The following MED12L variants were observed in gnomAD, a reference collection of about 807,000 sequenced individuals.
The protein encoded by MED12L is mediator complex subunit 12L.
MED12L carries 60 observed loss-of-function variants against 281.3 expected under a neutral mutation model. The observed-to-expected ratio is 0.21, with a 90% CI of 0.17 to 0.26. MED12L has a LOEUF of 0.26. Ranked by LOEUF, MED12L falls within the 10% of genes least tolerant of loss-of-function variation. The pLI is 1.00. For synonymous variants in MED12L, 974 were observed against 987.2 expected (o/e 0.99, Z 0.25); for missense variants, 2,146 against 2,680.9 (o/e 0.80, Z 4.41).
At chr3:151,132,926 A>G (rs1284168078) in intron 5 of MED12L, among the ~76,000 whole-genome samples, 1 of 152,226 alleles carries the variant, frequency 6.6e-6, no homozygotes, top group Non-Finnish European at 1.5e-5. Context: ...CTAGCAAGGG[A>G]TACAGCCAAG....
At chr3:151,088,562 G>T (rs1159856238) in intron 2 of MED12L, among the ~76,000 whole-genome samples, 1 of 152,110 alleles carries the variant, frequency 6.6e-6, no homozygotes, top group Non-Finnish European at 1.5e-5. Context: ...ATAATTGATG[G>T]CATGATGGCT....
At chr3:151,127,677 C>A in intron 4 of MED12L, 148 bp from the exon 5 acceptor site, 1 of 549,850 alleles carries the variant, frequency 1.8e-6, no homozygotes, top group Non-Finnish European at 3.1e-6. Context: ...AAACTACATG[C>A]ACTATTTGAA....
chr3:151,143,933 G>A (rs1353249504), intron 5 of MED12L, among the ~76,000 whole-genome samples: 1 of 152,184 alleles, frequency 6.6e-6, no homozygotes, highest in African/African-American at 2.4e-5. Flanking sequence ...CCTATGATAC[G>A]AATATTTCAC....
chr3:151,376,292 T>A (rs1756844377), intron 28 of MED12L, 78 bp downstream of exon 28: 1 of 1,151,410 alleles, frequency 8.7e-7, no homozygotes, highest in African/African-American at 1.6e-5. Context: ...CCTCTCTTTT[T>A]TTGTCCTTGC....
intron 17 of MED12L, 128 bp downstream of exon 17, chr3:151,350,334 A>C: frequency 1.9e-5 from 14 of 751,456 alleles, no homozygotes; most frequent in Non-Finnish European, 2.6e-5. Context: ...TCTCACATTG[A>C]AATGTGAACA....
intron 28 of MED12L, 143 bp downstream of exon 28, chr3:151,376,357 C>A: frequency 1.5e-6 from 1 of 662,930 alleles, no homozygotes; most frequent in Non-Finnish European, 2.3e-6. Context: ...GTGGAATTGA[C>A]ATACTTTATT....
At position 151,294,060 on chromosome 3, in the gene MED12L, A is replaced by G; in HGVS notation, c.2251-55999A>G. The G allele has an allele frequency of 4.1e-6, 3 of 732,774 alleles. No homozygotes were observed. In the South Asian group the frequency reaches 5.5e-5, roughly 14 times the overall value. 45.4% of individuals were successfully genotyped at this position (732,774 alleles called of 1,614,324 possible). A position where few individuals can be genotyped will look rare whatever the true frequency, so the allele number is the denominator to read the frequency against. Reference sequence around the variant, plus strand: ...CTTTCAAATTATGACCCCATTTCATATCATTTTAGTTCTTTGAATTCATAT... The same window carrying G: ...CTTTCAAATTATGACCCCATTTCATGTCATTTTAGTTCTTTGAATTCATAT... On this transcript the variant is annotated intron_variant, in intron 16 of 44. Coordinates refer to ENST00000687756, the MANE Select transcript of MED12L (RefSeq NM_001393769.1).
At chr3:151,187,124 G>A (rs1006203356) in intron 12 of MED12L, among the ~76,000 whole-genome samples, 1 of 152,192 alleles carries the variant, frequency 6.6e-6, no homozygotes, top group Non-Finnish European at 1.5e-5. Flanking sequence ...TAATGTTAAG[G>A]TGTAAGCTAA....
intron 5 of MED12L, among the ~76,000 whole-genome samples, chr3:151,131,133 A>G (rs893590059): frequency 2.0e-5 from 3 of 152,208 alleles, no homozygotes; most frequent in Non-Finnish European, 4.4e-5. Context: ...CACCAGCTAT[A>G]TCGGAGAGAC....
chr3:151,236,402 G>T (rs1244622345), intron 16 of MED12L, among the ~76,000 whole-genome samples: 1 of 152,176 alleles, frequency 6.6e-6, no homozygotes, highest in African/African-American at 2.4e-5. Flanking sequence ...GATTCAGGAA[G>T]CATTCTTGTT....
Position 151,247,296 on chromosome 3 carries a change from A to G in MED12L, c.2250+53630A>G, listed in dbSNP as rs1444890182. 3.9e-5 allele frequency among the ~76,000 whole-genome samples: 6 copies of G among 152,276 alleles called. No individual in the cohort carries two copies. The East Asian group carries it at 9.7e-4, about 25-fold the overall frequency. ...CCAAAGGATTATAAATCATGCTGCTATAAAGACACATGCACACGTATGTTT... is the reference window on the plus strand; with the variant it reads ...CCAAAGGATTATAAATCATGCTGCTGTAAAGACACATGCACACGTATGTTT... On this transcript the variant is annotated intron_variant, in intron 16 of 44. Coordinates refer to ENST00000687756, the MANE Select transcript of MED12L (RefSeq NM_001393769.1).
intron 11 of MED12L, among the ~76,000 whole-genome samples, chr3:151,178,051 G>C (rs529559868): frequency 6.8e-6 from 1 of 146,118 alleles, no homozygotes; most frequent in Non-Finnish European, 1.5e-5. Context: ...CTTACTATTC[G>C]TTAGAAAGTG....
intron 16 of MED12L, among the ~76,000 whole-genome samples, chr3:151,243,522 C>T (rs1352999328): frequency 6.6e-6 from 1 of 152,130 alleles, no homozygotes; most frequent in East Asian, 1.9e-4. Context: ...AACTAAGCTT[C>T]ATAAGCGAAG....
At chr3:151,379,755 A>G (rs1560102995) in intron 31 of MED12L, among the ~76,000 whole-genome samples, 3 of 152,306 alleles carry the variant, frequency 2.0e-5, no homozygotes, top group Non-Finnish European at 2.9e-5. Context: ...AAAATTTTTA[A>G]TTTTATCCTG....
intron 16 of MED12L, chr3:151,213,786 A>T: frequency 6.2e-7 from 1 of 1,614,158 alleles, no homozygotes. Flanking sequence ...GTCCCAGTTC[A>T]CTTTTCAGTT....
intron 41 of MED12L, 52 bp from the exon 42 acceptor site, chr3:151,413,085 TAA>T: frequency 6.4e-7 from 1 of 1,574,304 alleles, no homozygotes; most frequent in Non-Finnish European, 8.7e-7. Context: ...TAGCACTGAT[TAA>T]AAGTTTGACA....
chr3:151,293,354 C>G (rs1406807516), intron 16 of MED12L, among the ~76,000 whole-genome samples: 1 of 152,154 alleles, frequency 6.6e-6, no homozygotes, highest in African/African-American at 2.4e-5. Flanking sequence ...CGCCTTCACT[C>G]CTCCTCTGTT....
chr3:151,306,430 T>TG (rs1746664279), intron 16 of MED12L, among the ~76,000 whole-genome samples: 2 of 152,128 alleles, frequency 1.3e-5, no homozygotes, highest in Admixed American at 6.6e-5. Context: ...CTGCTTTCGG[T>TG]GGGGAAAAAC....
At chr3:151,375,936 A>T in intron 27 of MED12L, 90 bp from the exon 28 acceptor site, 2 of 630,926 alleles carry the variant, frequency 3.2e-6, no homozygotes, top group Non-Finnish European at 4.7e-6. Flanking sequence ...TCAGTTTTCT[A>T]TTCAATTATG....
Sources: allele counts gnomAD v4.1 joint callset (sites outside exome capture counted in the v4.1 genomes callset), GRCh38; gene constraint gnomAD v4.1.1; transcripts MANE v1.5; gene names NCBI Gene and HGNC (gene_info 2026-07-23, HGNC 2026-07-21).